The following ASPM variants were observed in gnomAD, a reference collection of about 807,000 sequenced individuals.
ASPM encodes the protein abnormal spindle-like microcephaly-associated protein.
Under a neutral mutation model 366.4 loss-of-function variants are expected in ASPM, and 256 were observed. That is an observed-to-expected ratio of 0.70 (90% CI 0.63 to 0.77). ASPM has a LOEUF of 0.77. ASPM is among the 30% of genes least tolerant of loss of function. The pLI, the probability that ASPM is intolerant of heterozygous loss-of-function variation, is 0.00. For synonymous variants in ASPM, 1,414 were observed against 1,342.9 expected (o/e 1.05, Z -1.16); for missense variants, 4,146 against 4,090.4 (o/e 1.01, Z -0.37).
Position 197,104,136 on chromosome 1 carries a change from T to A in ASPM, c.5115A>T (p.Ala1705=). 6.2e-7 allele frequency: 1 copy of A among 1,612,942 alleles called. No homozygotes were observed. Among genetic ancestry groups the A allele is most frequent in the Non-Finnish European group, 8.5e-7 (1 of 1,179,382 alleles). The change falls in exon 18 of 28, where the codon GCA becomes GCT. Residue 1705 remains alanine (A), a synonymous_variant. Transcript: ENST00000367409. Reference sequence around the variant, plus strand: ...AACGGTAACATTGCTGGATAAATAGTGCAGCTGCTCTTAAATGCAAATATT... The same window carrying A: ...AACGGTAACATTGCTGGATAAATAGAGCAGCTGCTCTTAAATGCAAATATT... ...RKQYLHLRAA[A]LFIQQCYRSK...
Position 197,128,565 on chromosome 1 carries a change from A to C in ASPM, c.2861T>G (p.Val954Gly), listed in dbSNP as rs369976457. The C allele has an allele frequency of 9.2e-5, 148 of 1,613,628 alleles. No homozygotes were observed. The highest frequency in any genetic ancestry group is 1.2e-4 in the Non-Finnish European group (146 of 1,179,652). ...LGLLGLPVNH[V>G]QTPFDEFDFA... is the part of the protein sequence containing the mutation. Reference sequence around the variant, plus strand: ...ATCAAATTCATCAAATGGTGTCTGAACATGGTTAACAGGTAATCCCAATAA... The same window carrying C: ...ATCAAATTCATCAAATGGTGTCTGACCATGGTTAACAGGTAATCCCAATAA... Residue 954 changes from valine (V) to glycine (G), a missense_variant, in exon 10 of 28, where the codon GTT becomes GGT. By Grantham distance (109) the Val-to-Gly change is moderately radical. Coordinates refer to ENST00000367409, the MANE Select transcript of ASPM (RefSeq NM_018136.5).
chr1:197,120,658 T>C (rs902619167), intron 16 of ASPM, among the ~76,000 whole-genome samples: 1 of 152,158 alleles, frequency 6.6e-6, no homozygotes, highest in South Asian at 2.1e-4. Flanking sequence ...GTGAATCAAA[T>C]AGCTTGAGGA....
Position 197,090,911 on chromosome 1 carries a change from A to G in ASPM, c.9575T>C (p.Val3192Ala). 1 of 1,613,472 alleles carries G rather than the reference A, an allele frequency of 6.2e-7. No homozygotes were observed. The highest frequency in any genetic ancestry group is 8.5e-7 in the Non-Finnish European group (1 of 1,179,628). ...CTTTTTACGGAGGAGAAAATGGCGC[A>G]CTGCTTTCTGTATTACTGATGCAGC... ...NRAASVIQKA[V>A]RHFLLRKKQE... is the part of the protein sequence containing the mutation. The change falls in exon 23 of 28, where the codon GTG becomes GCG. Residue 3192 changes from valine to alanine, a missense_variant. Coordinates refer to ENST00000367409, the MANE Select transcript of ASPM (RefSeq NM_018136.5).
At chr1:197,093,396 T>C (rs1656852446) in intron 20 of ASPM, 135 bp from the exon 21 acceptor site, 8 of 804,900 alleles carry the variant, frequency 9.9e-6, no homozygotes, top group South Asian at 8.9e-5. Flanking sequence ...TTCATAGATA[T>C]GAAATGATGA....
rs1265976591 is a variant in ASPM at position 197,102,624 on chromosome 1, A to G, written c.6627T>C (p.Phe2209=). 6.2e-7 allele frequency: 1 copy of G among 1,612,540 alleles called. No individual in the cohort carries two copies. The highest frequency in any genetic ancestry group is 8.5e-7 in the Non-Finnish European group (1 of 1,179,254). ...TTTTTGTTATTTTCTTTAACTTATT[A>G]AAGTATGTTTGCTGTCTGTATCTTC... ...NYRRYRQQTY[F]NKLKKITKTV... Residue 2209 remains phenylalanine (F), a synonymous_variant, in exon 18 of 28, where the codon TTT becomes TTC. Transcript: ENST00000367409.
chr1:197,099,775 T>A (rs1441101608), intron 18 of ASPM, among the ~76,000 whole-genome samples: 1 of 151,750 alleles, frequency 6.6e-6, no homozygotes, highest in Non-Finnish European at 1.5e-5. Flanking sequence ...ACATCTGGGT[T>A]AAAGCCTGGG....
chr1:197,103,548 G>A lies in ASPM; in HGVS notation c.5703C>T (p.Ala1901=), dbSNP rs763801767. ...TTCTAAAAGCAGACTGAATCTTCAA[G>A]GCAGCTTGATGTTCCCTTCTAATCT... ...RKQIRREHQA[A]LKIQSAFRMA... The change falls in exon 18 of 28, where the codon GCC becomes GCT. Residue 1901 remains alanine, a synonymous_variant. Coordinates refer to ENST00000367409, the MANE Select transcript of ASPM (RefSeq NM_018136.5). The A allele has an allele frequency of 6.2e-7, 1 of 1,613,016 alleles. No homozygotes were observed. The highest frequency in any genetic ancestry group is 8.5e-7 in the Non-Finnish European group (1 of 1,179,486).
chr1:197,122,453 A>G lies in ASPM; in HGVS notation c.3533T>C (p.Val1178Ala). ...TVECTQTGSV[V>A]LNSSSESDDS... ...ATCAGATTCAGATGATGAATTTAAT[A>G]CCACTGAACCAGTTTGCGTACATTC... Residue 1178 changes from valine to alanine, a missense_variant, in exon 14 of 28, where the codon GTA becomes GCA. Val to Ala is a moderately conservative substitution (Grantham distance 64). Around this residue, in one of 3 missense-constraint regions of ASPM, gnomAD observed 3,624 missense variants for 3,591.7 expected, o/e 1.01. Coordinates refer to ENST00000367409, the MANE Select transcript of ASPM (RefSeq NM_018136.5). 1 of 1,613,896 alleles carries G rather than the reference A, an allele frequency of 6.2e-7. No individual in the cohort carries two copies.
chr1:197,095,808 T>A (rs1408575071), intron 19 of ASPM, among the ~76,000 whole-genome samples, 190 bp downstream of exon 19: 1 of 151,608 alleles, frequency 6.6e-6, no homozygotes, highest in Non-Finnish European at 1.5e-5. Context: ...ATGCTCTATC[T>A]CAAAAAAGCA....
chr1:197,117,593 C>A (rs1657774282), intron 17 of ASPM, among the ~76,000 whole-genome samples, 196 bp downstream of exon 17: 1 of 152,076 alleles, frequency 6.6e-6, no homozygotes, highest in African/African-American at 2.4e-5. Flanking sequence ...TTTTTCAGAG[C>A]AAATGCATTT....
At chr1:197,105,588 C>A (rs1463238960) in intron 17 of ASPM, among the ~76,000 whole-genome samples, 3 of 151,840 alleles carry the variant, frequency 2.0e-5, no homozygotes, top group Non-Finnish European at 4.4e-5. Context: ...TTCTAAGCTA[C>A]CTTATAATGA....
Position 197,084,235 on chromosome 1 carries a change from T to C in ASPM, c.*89A>G. ...TTAAAACAAAGTCAGATTTTAAAAG[T>C]TGTACACGGAGAGCAAAAATCACTT... On this transcript the variant is annotated 3_prime_UTR_variant, in exon 28 of 28. Coordinates refer to ENST00000367409, the MANE Select transcript of ASPM (RefSeq NM_018136.5). 1 of 931,024 alleles carries C rather than the reference T, an allele frequency of 1.1e-6. No homozygotes were observed. The highest frequency in any genetic ancestry group is 1.7e-6 in the Non-Finnish European group (1 of 579,934). 57.7% of individuals were successfully genotyped at this position (931,024 alleles called of 1,614,324 possible). A position where few individuals can be genotyped will look rare whatever the true frequency, so the allele number is the denominator to read the frequency against.
chr1:197,096,201 TTG>T (rs1279342345), intron 18 of ASPM, 37 bp from the exon 19 acceptor site: 7 of 1,520,512 alleles, frequency 4.6e-6, no homozygotes, highest in Middle Eastern at 3.5e-4. Flanking sequence ...ATGCAATGAG[TTG>T]TCTCTTTTTT....
rs1658794235 is a variant in ASPM at position 197,146,521 on chromosome 1, C to G, written c.-84G>C. On this transcript the variant is annotated 5_prime_UTR_variant, in exon 1 of 28. Coordinates refer to ENST00000367409, the MANE Select transcript of ASPM (RefSeq NM_018136.5). ...GCGGGGATCCGGGACTTACGCTGAC[C>G]GCTTCCCCTCAGGGGCGGCTGTAGA... is the stretch of plus-strand genomic sequence containing the variant. The G allele has an allele frequency of 4.0e-6, 6 of 1,497,592 alleles. No homozygotes were observed. The South Asian group carries it at 6.9e-5, about 17-fold the overall frequency. 92.8% of individuals were successfully genotyped at this position (1,497,592 alleles called of 1,614,324 possible). A position where few individuals can be genotyped will look rare whatever the true frequency, so the allele number is the denominator to read the frequency against.
In ASPM at chr1:197,139,866, A is replaced by T. The variant is rs1282322065; in HGVS notation, c.1927T>A (p.Ser643Thr). Residue 643 changes from serine to threonine, a missense_variant, in exon 4 of 28, where the codon TCA (serine) becomes ACA (threonine). Ser to Thr is a moderately conservative substitution (Grantham distance 58, BLOSUM62 1). Transcript: ENST00000367409. ...KLNLKKKTDL[S>T]IFRTPISKTN... is the part of the protein sequence containing the mutation. ...TTAGAAATTGGAGTTCTGAATATTG[A>T]TAAATCTAAAATAAATTAGAAAACA... is the stretch of plus-strand genomic sequence containing the variant. 3 of 1,578,862 alleles carry T rather than the reference A, an allele frequency of 1.9e-6. No homozygotes were observed. The highest frequency in any genetic ancestry group is 3.3e-5 in the Admixed American group (2 of 59,974).
In ASPM at chr1:197,124,271, T is replaced by A. The variant is rs139317695; in HGVS notation, c.3229A>T (p.Lys1077Ter). The change falls in exon 13 of 28, where the codon AAG becomes TAG. Residue 1077 changes from lysine (K) to a stop codon, truncating the protein, a stop_gained. Transcript: ENST00000367409. LOFTEE classifies it high-confidence loss of function. ...AGAGATATTGTTTTCTTTATACTCT[T>A]TGTGTGTTTTAGAAAGGCAATTTCT... ...KEEIAFLKHT[K>*]SIKKTISLLS... The A allele has an allele frequency of 6.2e-7, 1 of 1,606,928 alleles. No individual in the cohort carries two copies. Among genetic ancestry groups the A allele is most frequent in the Non-Finnish European group, 8.5e-7 (1 of 1,174,370 alleles).
chr1:197,145,779 T>C (rs1251838659), intron 1 of ASPM, among the ~76,000 whole-genome samples: 2 of 151,802 alleles, frequency 1.3e-5, no homozygotes, highest in African/African-American at 4.8e-5. Context: ...CTAAAGATGC[T>C]AAGTGCGCGC....
chr1:197,090,527 C>A, intron 23 of ASPM, 139 bp from the exon 24 acceptor site: 1 of 782,934 alleles, frequency 1.3e-6, no homozygotes, highest in Non-Finnish European at 2.0e-6. Context: ...ATCTCAAGTT[C>A]AAATAAATAG....
At position 197,146,275 on chromosome 1, in the gene ASPM, C is replaced by T. The variant is rs1658776743; in HGVS notation, c.163G>A (p.Val55Ile). Residue 55 changes from valine to isoleucine, a missense_variant, in exon 1 of 28, where the codon GTT becomes ATT. By Grantham distance (29) the Val-to-Ile change is conservative. Coordinates refer to ENST00000367409, the MANE Select transcript of ASPM (RefSeq NM_018136.5). ...CRSPFLCFGD[V>I]LLGASRTLSL... is the part of the protein sequence containing the mutation. ...AGCGTCCGTGAGGCTCCCAGGAGAA[C>T]GTCCCCGAAGCAAAGGAAAGGAGAC... The T allele has an allele frequency of 6.2e-7, 1 of 1,614,118 alleles. No individual in the cohort carries two copies. Among genetic ancestry groups the T allele is most frequent in the African/African-American group, 1.3e-5 (1 of 75,034 alleles).
Sources: gnomAD v4.1 joint callset for allele counts (sites outside exome capture counted in the v4.1 genomes callset) on GRCh38, gnomAD v4.1.1 for gene constraint, gnomAD v4.1.1 regional missense constraint, MANE v1.5 for transcripts, NCBI Gene and HGNC (gene_info 2026-07-23, HGNC 2026-07-21) for gene names.